LINGO2: variants seen among roughly 807,000 people sequenced by gnomAD.
LINGO2 encodes the protein leucine rich repeat and Ig domain containing 2, also known as leucine-rich repeat and immunoglobulin-like domain-containing nogo receptor-interacting protein 2.
LINGO2 carries 14 observed loss-of-function variants against 30.6 expected under a neutral mutation model. The ratio of observed to expected loss-of-function variants is 0.46; its 90% CI spans 0.30 to 0.72. LINGO2 has a LOEUF of 0.72. Among genes scored for constraint, LINGO2 ranks in the 30% least tolerant of loss-of-function variants. LINGO2 has a pLI of 0.07. For missense variants in LINGO2, 729 were observed against 751.7 expected (o/e 0.97, Z 0.35); for synonymous variants, 317 against 288.5 (o/e 1.10, Z -1.00).
At chr9:28,953,782 T>C in the LINGO2 span, among the ~76,000 whole-genome samples, 16 of 152,218 alleles carry the variant, frequency 1.1e-4, no homozygotes, top group Middle Eastern at 3.4e-3. Flanking sequence ...TTATGAGTAG[T>C]AGTTTCTAAA....
chr9:28,777,279 T>C, the LINGO2 span, among the ~76,000 whole-genome samples: 1 of 152,196 alleles, frequency 6.6e-6, no homozygotes, highest in African/African-American at 2.4e-5. Flanking sequence ...CAATTGAGAC[T>C]GAATAAAAAC....
chr9:28,339,285 A>AGAACTAG (rs2134381302), intron 3 of LINGO2, among the ~76,000 whole-genome samples: 1 of 152,310 alleles, frequency 6.6e-6, no homozygotes, highest in South Asian at 2.1e-4. Context: ...TTATTGCCTT[A>AGAACTAG]GAACTAGGCT....
At chr9:28,877,976 A>T in the LINGO2 span, among the ~76,000 whole-genome samples, 1 of 150,698 alleles carries the variant, frequency 6.6e-6, no homozygotes, top group African/African-American at 2.4e-5. Flanking sequence ...ACGTCCCTTG[A>T]AAGTTGGATT....
the LINGO2 span, among the ~76,000 whole-genome samples, chr9:29,126,736 T>C: frequency 0.12 from 17,899 of 152,016 alleles, 1,268 homozygotes; most frequent in African/African-American, 0.2. Context: ...TTCTTCAAAC[T>C]GAAAGCTGCT....
At chr9:28,451,285 A>G (rs1824637720) in intron 2 of LINGO2, among the ~76,000 whole-genome samples, 1 of 151,880 alleles carries the variant, frequency 6.6e-6, no homozygotes, top group African/African-American at 2.4e-5. Context: ...TATCTGAAGA[A>G]AATAATCATT....
intron 4 of LINGO2, among the ~76,000 whole-genome samples, chr9:28,124,985 C>T (rs1299290715): frequency 3.3e-5 from 5 of 152,082 alleles, no homozygotes; most frequent in Non-Finnish European, 5.9e-5. Context: ...GAGATAGATA[C>T]CCATATAGAA....
At chr9:28,587,399 T>C (rs1208384930) in intron 1 of LINGO2, among the ~76,000 whole-genome samples, 1 of 152,054 alleles carries the variant, frequency 6.6e-6, no homozygotes, top group Admixed American at 6.6e-5. Flanking sequence ...CCTCTTCACC[T>C]TCCTAGTCAC....
intron 1 of LINGO2, among the ~76,000 whole-genome samples, chr9:28,601,839 C>T (rs142988623): frequency 6.6e-6 from 1 of 151,494 alleles, no homozygotes; most frequent in East Asian, 1.9e-4. Context: ...TCAGAACTAG[C>T]AAAATGAAAA....
intron 3 of LINGO2, among the ~76,000 whole-genome samples, chr9:28,322,579 T>G (rs748854064): frequency 6.6e-6 from 1 of 152,174 alleles, no homozygotes; most frequent in African/African-American, 2.4e-5. Context: ...TTAAGGAACT[T>G]GCACATCAAA....
chr9:28,591,498 CT>C, intron 1 of LINGO2, among the ~76,000 whole-genome samples: 1 of 152,130 alleles, frequency 6.6e-6, no homozygotes, highest in South Asian at 2.1e-4. Context: ...GCCCTCCTGT[CT>C]TCCAGAAAGT....
intron 2 of LINGO2, among the ~76,000 whole-genome samples, chr9:28,472,705 C>T (rs967081270): frequency 6.6e-6 from 1 of 151,930 alleles, no homozygotes; most frequent in South Asian, 2.1e-4. Flanking sequence ...ATTACCTACA[C>T]ATTTGTTTCT....
the LINGO2 span, among the ~76,000 whole-genome samples, chr9:28,953,079 T>C: frequency 6.6e-6 from 1 of 152,092 alleles, no homozygotes; most frequent in Non-Finnish European, 1.5e-5. Context: ...CCATAATGAA[T>C]ACTAATGAGG....
intron 1 of LINGO2, among the ~76,000 whole-genome samples, chr9:28,605,027 A>G (rs1825641826): frequency 6.6e-6 from 1 of 152,024 alleles, no homozygotes; most frequent in Non-Finnish European, 1.5e-5. Context: ...GAATAGCTAA[A>G]TCTGAAGCCA....
the LINGO2 span, among the ~76,000 whole-genome samples, chr9:29,065,735 T>C: frequency 6.6e-6 from 1 of 152,094 alleles, no homozygotes; most frequent in Middle Eastern, 3.4e-3. Flanking sequence ...ATTTAAGAGC[T>C]CATATGAATA....
intron 2 of LINGO2, among the ~76,000 whole-genome samples, chr9:28,384,960 G>A (rs1821519367): frequency 6.6e-6 from 1 of 152,010 alleles, no homozygotes; most frequent in South Asian, 2.1e-4. Flanking sequence ...AAAAATCTAA[G>A]GTTAATTTGA....
At chr9:29,159,201 G>A in the LINGO2 span, among the ~76,000 whole-genome samples, 1 of 152,092 alleles carries the variant, frequency 6.6e-6, no homozygotes, top group Non-Finnish European at 1.5e-5. Context: ...ATCAGGAATG[G>A]GCAGAACCAA....
rs1564029484 is a variant in LINGO2 at position 28,189,673 on chromosome 9, AAGGAAGGAAGGGAGGAAGGAAGGGAGGG to A, written c.-87+105507_-87+105534del. 4.6e-3 allele frequency among the ~76,000 whole-genome samples: 93 copies of A among 20,232 alleles called. 6 individuals are homozygous for A. Among genetic ancestry groups the A allele is most frequent in the African/African-American group, 0.014 (88 of 6,296 alleles). The allele number at this position is 20,232 out of a possible 152,430, so 13.3% of individuals were successfully genotyped here. A position where few individuals can be genotyped will look rare whatever the true frequency, so the allele number is the denominator to read the frequency against. ...GGAGGAAGGAAGGAAGGAAGGGAGG[AAGGAAGGAAGGGAGGAAGGAAGGGAGGG>A]AGGAAGGAAGGAAGGAAGGAAGGTT... On this transcript the variant is annotated intron_variant, in intron 4 of 5. Transcript: ENST00000379992.
chr9:28,309,629 T>C (rs575561796), intron 3 of LINGO2, among the ~76,000 whole-genome samples: 296 of 151,852 alleles, frequency 1.9e-3, no homozygotes, highest in Non-Finnish European at 3.1e-3. Context: ...CTAAGATTAA[T>C]TTACTATTAA....
chr9:27,970,332 A>G (rs948524184), intron 5 of LINGO2, among the ~76,000 whole-genome samples: 1 of 152,126 alleles, frequency 6.6e-6, no homozygotes, highest in Non-Finnish European at 1.5e-5. Flanking sequence ...GGGATCTGTT[A>G]TAAATACTCT....
Sources: allele counts gnomAD v4.1 joint callset (sites outside exome capture counted in the v4.1 genomes callset), GRCh38; gene constraint gnomAD v4.1.1; transcripts MANE v1.5; gene names NCBI Gene and HGNC (gene_info 2026-07-23, HGNC 2026-07-21).